CPNE4: variants seen among roughly 807,000 people sequenced by gnomAD.
The protein encoded by CPNE4 is copine 4, also known as copine-4.
A neutral mutation model predicts 67.9 loss-of-function variants in CPNE4; 25 were observed. That is an observed-to-expected ratio of 0.37 (90% confidence interval 0.27 to 0.51). The LOEUF is 0.51. Among genes scored for constraint, CPNE4 ranks in the 20% least tolerant of loss-of-function variants. The probability of loss-of-function intolerance (pLI) is 0.93; values close to 1 mark genes in which losing one functional copy is unlikely to be tolerated. For missense variants in CPNE4, 464 were observed against 690.8 expected, an observed-to-expected ratio of 0.67 and a Z score of 3.68; for synonymous variants, 242 against 244.9, an observed-to-expected ratio of 0.99 and a Z score of 0.11.
At chr3:131,969,940 T>C (rs1489406899) in intron 1 of CPNE4, among the ~76,000 whole-genome samples, 1 of 152,186 alleles carries the variant, frequency 6.6e-6, no homozygotes, top group Non-Finnish European at 1.5e-5. Flanking sequence ...ATGGATTTTG[T>C]CAGAATTGAA....
rs530844176 is a variant in CPNE4 at position 132,017,217 on chromosome 3, T to C, written c.-2+17350A>G. Among the ~76,000 whole-genome samples the C allele has an allele frequency of 3.3e-5, 5 of 151,064 alleles. No individual in the cohort carries two copies. In the South Asian group the frequency reaches 6.3e-4, roughly 19 times the overall value. On this transcript the variant is annotated intron_variant, in intron 1 of 15. Coordinates refer to ENST00000429747, the MANE Select transcript of CPNE4 (RefSeq NM_130808.3). Reference sequence around the variant, plus strand: ...AGAAAGGCGGTAAGGAATGAGCAGATGGATATAAAGGAAGAAAAGACGAAA... The same window carrying C: ...AGAAAGGCGGTAAGGAATGAGCAGACGGATATAAAGGAAGAAAAGACGAAA...
intron 2 of CPNE4, among the ~76,000 whole-genome samples, chr3:131,899,261 G>A (rs1323272524): frequency 6.6e-6 from 1 of 152,038 alleles, no homozygotes; most frequent in Non-Finnish European, 1.5e-5. Flanking sequence ...GGAGGCACAA[G>A]CACGAACCTC....
At chr3:132,002,043 G>A (rs887911130) in intron 1 of CPNE4, among the ~76,000 whole-genome samples, 6 of 152,026 alleles carry the variant, frequency 3.9e-5, no homozygotes, top group South Asian at 2.1e-4. Flanking sequence ...GCTCCTTTCC[G>A]AAGGATGATA....
chr3:131,617,101 C>T (rs539468444), intron 7 of CPNE4, among the ~76,000 whole-genome samples: 11 of 152,288 alleles, frequency 7.2e-5, no homozygotes, highest in East Asian at 3.9e-4. Flanking sequence ...ATTCATTAAA[C>T]GGGAACTTAC....
chr3:131,889,676 G>A (rs2088027229), intron 2 of CPNE4, among the ~76,000 whole-genome samples: 1 of 152,142 alleles, frequency 6.6e-6, no homozygotes, highest in Admixed American at 6.5e-5. Flanking sequence ...TGGTATTTTA[G>A]TATAACTTGA....
intron 1 of CPNE4, among the ~76,000 whole-genome samples, chr3:131,963,915 G>A (rs1185663593): frequency 2.0e-5 from 3 of 152,118 alleles, no homozygotes; most frequent in South Asian, 2.1e-4. Flanking sequence ...CCTGACACCC[G>A]TGCCTCCTTA....
chr3:131,844,412 G>A (rs1330363820), intron 2 of CPNE4, among the ~76,000 whole-genome samples: 3 of 151,902 alleles, frequency 2.0e-5, no homozygotes, highest in Non-Finnish European at 4.4e-5. Context: ...GACTACAGGC[G>A]CCTGCCACCA....
chr3:131,887,207 G>T (rs1302680543), intron 2 of CPNE4, among the ~76,000 whole-genome samples: 2 of 152,190 alleles, frequency 1.3e-5, no homozygotes, highest in African/African-American at 4.8e-5. Flanking sequence ...AGTCTCACAA[G>T]ATCTGATGGT....
intron 2 of CPNE4, among the ~76,000 whole-genome samples, chr3:131,893,826 A>G (rs184172826): frequency 6.6e-4 from 101 of 152,082 alleles, no homozygotes; most frequent in Admixed American, 5.8e-3. Context: ...CAGTTCTAAA[A>G]GGGTCATTTA....
At chr3:131,660,409 G>T (rs1003631853) in intron 7 of CPNE4, among the ~76,000 whole-genome samples, 1 of 152,140 alleles carries the variant, frequency 6.6e-6, no homozygotes, top group Non-Finnish European at 1.5e-5. Flanking sequence ...TGGATGGGAA[G>T]GATGATGTGT....
intron 10 of CPNE4, among the ~76,000 whole-genome samples, chr3:131,565,132 G>C (rs148433155): frequency 6.6e-5 from 10 of 152,096 alleles, no homozygotes; most frequent in African/African-American, 2.4e-4. Flanking sequence ...TGCTTAAGCC[G>C]AGGGTGTTAA....
chr3:131,700,060 T>G, intron 3 of CPNE4, 80 bp from the exon 4 acceptor site: 2 of 667,724 alleles, frequency 3.0e-6, no homozygotes, highest in Non-Finnish European at 4.6e-6. Flanking sequence ...AAACCTTTTT[T>G]TTTTTTTTTT....
chr3:132,006,655 A>ATTTTTTTTTTT (rs113475309), intron 1 of CPNE4, among the ~76,000 whole-genome samples: 1 of 149,588 alleles, frequency 6.7e-6, no homozygotes. Context: ...CTTTCTTTCC[A>ATTTTTTTTTTT]TTTTTTTTTG....
intron 2 of CPNE4, among the ~76,000 whole-genome samples, chr3:131,819,491 TACACACAC>T (rs5852655): frequency 2.3e-4 from 34 of 146,276 alleles, no homozygotes; most frequent in South Asian, 6.6e-4. Context: ...CACACACAGA[TACACACAC>T]ACACACACAC....
chr3:131,605,421 T>C (rs538560009), intron 7 of CPNE4, among the ~76,000 whole-genome samples: 14 of 152,250 alleles, frequency 9.2e-5, no homozygotes, highest in Admixed American at 3.3e-4. Context: ...CCAGTGTGTA[T>C]TGTTCCCATC....
At chr3:131,999,636 A>C (rs1396096474) in intron 1 of CPNE4, among the ~76,000 whole-genome samples, 1 of 152,092 alleles carries the variant, frequency 6.6e-6, no homozygotes, top group African/African-American at 2.4e-5. Context: ...TATATGATGG[A>C]TTAATAGATA....
At chr3:131,770,090 T>C (rs941531543) in intron 2 of CPNE4, among the ~76,000 whole-genome samples, 2 of 152,170 alleles carry the variant, frequency 1.3e-5, no homozygotes, top group East Asian at 3.8e-4. Context: ...TGTGTCTGTG[T>C]GTCTTTTGTT....
chr3:131,897,456 G>C (rs1434867785), intron 2 of CPNE4, among the ~76,000 whole-genome samples: 1 of 152,104 alleles, frequency 6.6e-6, no homozygotes. Flanking sequence ...AGGATAGCAG[G>C]AGGACAGTTT....
intron 2 of CPNE4, among the ~76,000 whole-genome samples, chr3:131,765,440 C>A (rs533818121): frequency 6.6e-6 from 1 of 152,096 alleles, no homozygotes; most frequent in Non-Finnish European, 1.5e-5. Flanking sequence ...GGCCACTCAC[C>A]TTACTGTGCC....
Sources: allele counts gnomAD v4.1 joint callset (sites outside exome capture counted in the v4.1 genomes callset), GRCh38; gene constraint gnomAD v4.1.1; transcripts MANE v1.5; gene names NCBI Gene and HGNC (gene_info 2026-07-23, HGNC 2026-07-21).